Variants in KCNH7 observed in about 807,000 individuals in gnomAD.
The protein encoded by KCNH7 is voltage-gated inwardly rectifying potassium channel KCNH7.
Under a neutral mutation model 120.8 loss-of-function variants are expected in KCNH7, and 49 were observed. That is an observed-to-expected ratio of 0.41 (90% confidence interval 0.32 to 0.51). The LOEUF (loss-of-function observed/expected upper bound fraction) is 0.51. KCNH7 is among the 20% of genes least tolerant of loss of function. The probability of loss-of-function intolerance (pLI) is 0.38; values close to 1 mark genes in which losing one functional copy is unlikely to be tolerated. For missense variants in KCNH7, 1,097 were observed against 1,446.6 expected, an observed-to-expected ratio of 0.76 and a Z score of 3.92; for synonymous variants, 547 against 516.1, an observed-to-expected ratio of 1.06 and a Z score of -0.81.
chr2:162,726,124 A>G (rs1687507463), intron 2 of KCNH7, among the ~76,000 whole-genome samples: 2 of 152,144 alleles, frequency 1.3e-5, no homozygotes, highest in African/African-American at 4.8e-5. Context: ...ATTTTTACCT[A>G]TAAATTTTCA....
intron 6 of KCNH7, among the ~76,000 whole-genome samples, chr2:162,463,384 A>T (rs1297762103): frequency 6.6e-6 from 1 of 151,378 alleles, no homozygotes; most frequent in Non-Finnish European, 1.5e-5. Context: ...CTCCTTCCAC[A>T]ATAAAAAAGT....
intron 2 of KCNH7, among the ~76,000 whole-genome samples, chr2:162,555,113 G>A (rs909506641): frequency 6.6e-6 from 1 of 152,184 alleles, no homozygotes; most frequent in African/African-American, 2.4e-5. Context: ...GCATAGATAT[G>A]TCCAGCTGGC....
intron 2 of KCNH7, among the ~76,000 whole-genome samples, chr2:162,665,674 G>T (rs1685108449): frequency 1.3e-5 from 2 of 151,952 alleles, no homozygotes; most frequent in African/African-American, 2.4e-5. Context: ...CTCATTCTTG[G>T]GTTGTTACTA....
At chr2:162,486,834 T>G (rs189086395) in intron 6 of KCNH7, among the ~76,000 whole-genome samples, 1 of 152,278 alleles carries the variant, frequency 6.6e-6, no homozygotes, top group African/African-American at 2.4e-5. Context: ...TGAAAAAAGT[T>G]TGAGATATAT....
chr2:162,580,565 A>G (rs1341255393), intron 2 of KCNH7, among the ~76,000 whole-genome samples: 1 of 152,076 alleles, frequency 6.6e-6, no homozygotes, highest in Non-Finnish European at 1.5e-5. Context: ...ATTTTGTTTG[A>G]TGCAACTCAA....
chr2:162,421,213 A>G (rs1687699800), intron 9 of KCNH7, among the ~76,000 whole-genome samples: 1 of 152,172 alleles, frequency 6.6e-6, no homozygotes, highest in Non-Finnish European at 1.5e-5. Context: ...ACGATGTAAT[A>G]CAGGCATGCA....
chr2:162,505,789 T>G (rs1018591735), intron 5 of KCNH7, among the ~76,000 whole-genome samples: 2 of 151,934 alleles, frequency 1.3e-5, no homozygotes, highest in African/African-American at 4.8e-5. Context: ...GTTGCCTTTG[T>G]TATTTTTTTC....
chr2:162,731,159 C>A (rs1687714071), intron 2 of KCNH7, among the ~76,000 whole-genome samples: 2 of 150,832 alleles, frequency 1.3e-5, no homozygotes, highest in African/African-American at 4.9e-5. Context: ...AAAGTAGAGA[C>A]TTGAGAAGAC....
chr2:162,805,122 TA>T (rs970817745), intron 2 of KCNH7, among the ~76,000 whole-genome samples: 1 of 151,644 alleles, frequency 6.6e-6, no homozygotes, highest in African/African-American at 2.4e-5. Flanking sequence ...GTCTTGAAAC[TA>T]AAAAATTATA....
intron 2 of KCNH7, among the ~76,000 whole-genome samples, chr2:162,626,579 A>T (rs1172503894): frequency 2.0e-5 from 3 of 152,308 alleles, no homozygotes; most frequent in Non-Finnish European, 2.9e-5. Flanking sequence ...TTTGATGAGT[A>T]TTGGACGCTG....
At chr2:162,494,450 G>A (rs1463544392) in intron 6 of KCNH7, among the ~76,000 whole-genome samples, 1 of 152,034 alleles carries the variant, frequency 6.6e-6, no homozygotes, top group Non-Finnish European at 1.5e-5. Context: ...AGGATTATTT[G>A]ACATTTTTAG....
At chr2:162,460,093 C>CAAA (rs575038181) in intron 6 of KCNH7, among the ~76,000 whole-genome samples, 4 of 47,886 alleles carry the variant, frequency 8.4e-5, no homozygotes, top group South Asian at 8.7e-4. Context: ...GACTCCATCT[C>CAAA]AAAAAAAAAA....
At chr2:162,441,745 GAC>G (rs771796020) in intron 7 of KCNH7, among the ~76,000 whole-genome samples, 2 of 152,026 alleles carry the variant, frequency 1.3e-5, no homozygotes, top group Non-Finnish European at 2.9e-5. Context: ...TTGAACCAAT[GAC>G]ACAGAAAAAA....
At chr2:162,443,425 A>G (rs972483234) in intron 7 of KCNH7, among the ~76,000 whole-genome samples, 9 of 152,188 alleles carry the variant, frequency 5.9e-5, no homozygotes, top group African/African-American at 2.2e-4. Context: ...ATTACCATTT[A>G]TAATTCTGCT....
chr2:162,579,517 C>T (rs932799547), intron 2 of KCNH7, among the ~76,000 whole-genome samples: 3 of 152,084 alleles, frequency 2.0e-5, no homozygotes, highest in Non-Finnish European at 2.9e-5. Flanking sequence ...GTTGGAGACT[C>T]GTTAACCTCC....
At chr2:162,820,564 T>C (rs949844345) in intron 2 of KCNH7, among the ~76,000 whole-genome samples, 2 of 152,138 alleles carry the variant, frequency 1.3e-5, no homozygotes, top group Non-Finnish European at 2.9e-5. Flanking sequence ...AAAAAGTTAG[T>C]TGAATCTGCA....
At chr2:162,485,803 G>A (rs1317992295) in intron 6 of KCNH7, among the ~76,000 whole-genome samples, 4 of 152,166 alleles carry the variant, frequency 2.6e-5, no homozygotes, top group African/African-American at 7.2e-5. Context: ...ACAAATGACA[G>A]CTTATCACCC....
At chr2:162,702,233 C>A (rs1194245064) in intron 2 of KCNH7, among the ~76,000 whole-genome samples, 1 of 152,002 alleles carries the variant, frequency 6.6e-6, no homozygotes, top group Admixed American at 6.6e-5. Context: ...GTGATAAGAA[C>A]AATATTCTCT....
intron 2 of KCNH7, among the ~76,000 whole-genome samples, chr2:162,689,531 G>T (rs1404337470): frequency 6.6e-6 from 1 of 152,032 alleles, no homozygotes; most frequent in East Asian, 1.9e-4. Context: ...TGCTGAAAAA[G>T]CAAACACAAT....
Sources: allele counts gnomAD v4.1 joint callset (sites outside exome capture counted in the v4.1 genomes callset), GRCh38; gene constraint gnomAD v4.1.1; transcripts MANE v1.5; gene names NCBI Gene and HGNC (gene_info 2026-07-23, HGNC 2026-07-21).